SMAD2: variants seen among roughly 807,000 people sequenced by gnomAD.
The protein encoded by SMAD2 is MAD homolog 2.
A neutral mutation model predicts 64.4 loss-of-function variants in SMAD2; 8 were observed. The observed-to-expected ratio is 0.12, with a 90% CI of 0.07 to 0.22. The LOEUF is 0.22. Among genes scored for constraint, SMAD2 ranks in the 10% least tolerant of loss-of-function variants. SMAD2 has a pLI of 1.00. For synonymous variants in SMAD2, 203 were observed against 195.8 expected (o/e 1.04, Z -0.31); for missense variants, 289 against 561.2 (o/e 0.51, Z 4.90).
intron 8 of SMAD2, among the ~76,000 whole-genome samples, chr18:47,846,995 T>C (rs1386425949): frequency 2.0e-5 from 3 of 152,046 alleles, no homozygotes; most frequent in South Asian, 2.1e-4. Flanking sequence ...GGGAAAACAC[T>C]AAGTCCAAAA....
intron 2 of SMAD2, among the ~76,000 whole-genome samples, chr18:47,873,405 A>C (rs2032065833): frequency 6.6e-6 from 1 of 152,222 alleles, no homozygotes; most frequent in Non-Finnish European, 1.5e-5. Context: ...TATATATTTG[A>C]TGCAATCTCA....
At chr18:47,866,316 C>CAAAAAAAAAAAAAAA (rs34302955) in intron 5 of SMAD2, among the ~76,000 whole-genome samples, 6 of 42,094 alleles carry the variant, frequency 1.4e-4, no homozygotes, top group African/African-American at 6.0e-4. Context: ...AACACCGTCT[C>CAAAAAAAAAAAAAAA]AAAAAAAAAA....
At position 47,827,103 on chromosome 18, in the gene SMAD2, G is replaced by C. The variant is rs1912780186; in HGVS notation, c.*14724C>G. On this transcript the variant is annotated 3_prime_UTR_variant, in exon 11 of 11. Coordinates refer to ENST00000262160, the MANE Select transcript of SMAD2 (RefSeq NM_005901.6). ...AAATGACCAAGGATTAAAATTAGCAGAATGTTATTCTGTCCAGCCATTAAA... is the reference window on the plus strand; with the variant it reads ...AAATGACCAAGGATTAAAATTAGCACAATGTTATTCTGTCCAGCCATTAAA... 3 of 152,028 alleles carry C rather than the reference G, an allele frequency of 2.0e-5. No homozygotes were observed. Among genetic ancestry groups the C allele is most frequent in the Admixed American group, 2.0e-4 (3 of 15,260 alleles). 9.4% of individuals were successfully genotyped at this position (152,028 alleles called of 1,614,324 possible).
intron 1 of SMAD2, among the ~76,000 whole-genome samples, chr18:47,924,103 C>G (rs1363749136): frequency 6.6e-6 from 1 of 151,920 alleles, no homozygotes; most frequent in Non-Finnish European, 1.5e-5. Flanking sequence ...ACAAAATTAG[C>G]CGGACATGGT....
rs569010460 is a variant in SMAD2, at chr18:47,821,457, T to C, written c.*20370A>G. ...GATTCTGAATTCTTGGCTCTTCTCA[T>C]GTTTGAATTGTTCCACGCAAGCAGG... On this transcript the variant is annotated 3_prime_UTR_variant, in exon 11 of 11. Transcript: ENST00000262160. The C allele has an allele frequency of 6.6e-6, 1 of 152,344 alleles. No homozygotes were observed. Among genetic ancestry groups the C allele is most frequent in the African/African-American group, 2.4e-5 (1 of 41,590 alleles). The allele number at this position is 152,344 out of a possible 1,614,324, so 9.4% of individuals were successfully genotyped here.
intron 1 of SMAD2, among the ~76,000 whole-genome samples, chr18:47,919,164 G>A (rs2034454608): frequency 6.6e-6 from 1 of 152,018 alleles, no homozygotes; most frequent in South Asian, 2.1e-4. Flanking sequence ...ACAAAGTCAA[G>A]AGAGCAATGG....
intron 2 of SMAD2, among the ~76,000 whole-genome samples, chr18:47,873,568 T>C (rs1040535352): frequency 1.3e-5 from 2 of 152,178 alleles, no homozygotes; most frequent in Admixed American, 1.3e-4. Context: ...TAAAACAGTA[T>C]GCAATTAGTA....
intron 7 of SMAD2, among the ~76,000 whole-genome samples, chr18:47,850,489 T>A (rs868682530): frequency 3.6e-4 from 4 of 11,128 alleles, no homozygotes; most frequent in Non-Finnish European, 3.3e-4. Flanking sequence ...TATTATATAT[T>A]ATGTATAATA....
chr18:47,917,370 G>T (rs1339721206), intron 1 of SMAD2, among the ~76,000 whole-genome samples: 2 of 151,976 alleles, frequency 1.3e-5, no homozygotes, highest in East Asian at 3.9e-4. Context: ...ATACTTTTAG[G>T]AGTATCTCCA....
Position 47,850,195 on chromosome 18 carries a change from A to AT in SMAD2, c.784+1078_784+1079insA, listed in dbSNP as rs549810077. 7.5e-3 allele frequency among the ~76,000 whole-genome samples: 714 copies of AT among 95,478 alleles called. 15 individuals are homozygous for AT. Among genetic ancestry groups the AT allele is most frequent in the African/African-American group, 0.03 (680 of 22,978 alleles). The allele number at this position is 95,478 out of a possible 152,430, so 62.6% of individuals were successfully genotyped here. A position where few individuals can be genotyped will look rare whatever the true frequency, so the allele number is the denominator to read the frequency against. On this transcript the variant is annotated intron_variant, in intron 7 of 10. Coordinates refer to ENST00000262160, the MANE Select transcript of SMAD2 (RefSeq NM_005901.6). ...ACACTCTCATATATATATTATATAT[A>AT]GTATATATATATTATTATATATATG...
chr18:47,850,665 CTA>C (rs547143503), intron 7 of SMAD2, among the ~76,000 whole-genome samples: 373 of 10,362 alleles, frequency 0.036, 52 homozygotes, highest in African/African-American at 0.07. Flanking sequence ...ATATTATATA[CTA>C]TATATATATT....
chr18:47,925,225 A>C (rs1250049610), intron 1 of SMAD2, among the ~76,000 whole-genome samples: 1 of 152,246 alleles, frequency 6.6e-6, no homozygotes, highest in Non-Finnish European at 1.5e-5. Flanking sequence ...TTGAAAAATG[A>C]CAGGGCTACC....
intron 6 of SMAD2, among the ~76,000 whole-genome samples, chr18:47,859,003 C>A (rs890041712): frequency 6.6e-6 from 1 of 151,958 alleles, no homozygotes; most frequent in Non-Finnish European, 1.5e-5. Flanking sequence ...ATGCTGTCCA[C>A]AAGAAACACA....
rs550999764 is a variant in SMAD2, at chr18:47,836,640, A to G, written c.*5187T>C. On this transcript the variant is annotated 3_prime_UTR_variant, in exon 11 of 11. Transcript: ENST00000262160. ...ATATATAAATTCATACACATATATT[A>G]TTTATTTCCTTCTTAAAAAGACTGA... 4.7e-6 allele frequency: 1 copy of G among 212,350 alleles called. No individual in the cohort carries two copies. The highest frequency in any genetic ancestry group is 2.4e-5 in the African/African-American group (1 of 42,012). The allele number at this position is 212,350 out of a possible 1,614,324, so 13.2% of individuals were successfully genotyped here.
At chr18:47,895,946 T>C (rs1348051168) in intron 2 of SMAD2, among the ~76,000 whole-genome samples, 1 of 152,238 alleles carries the variant, frequency 6.6e-6, no homozygotes, top group African/African-American at 2.4e-5. Flanking sequence ...ATGACAGTGG[T>C]ACTTATCTGT....
intron 2 of SMAD2, among the ~76,000 whole-genome samples, chr18:47,888,198 G>GA (rs902538085): frequency 1.1e-3 from 164 of 142,746 alleles, no homozygotes; most frequent in South Asian, 3.1e-3. Context: ...GGAAAAAAGG[G>GA]AAAAAAAAAA....
At chr18:47,844,510 G>C (rs1374240646) in intron 10 of SMAD2, among the ~76,000 whole-genome samples, 2 of 152,044 alleles carry the variant, frequency 1.3e-5, no homozygotes, top group East Asian at 3.9e-4. Context: ...CAATAATCTA[G>C]ACTATCTTAT....
chr18:47,851,022 GA>G (rs1274091233), intron 7 of SMAD2, among the ~76,000 whole-genome samples: 1 of 148,216 alleles, frequency 6.7e-6, no homozygotes, highest in Non-Finnish European at 1.5e-5. Context: ...AATTTTCTAT[GA>G]GGAATATGAT....
intron 1 of SMAD2, among the ~76,000 whole-genome samples, chr18:47,926,280 G>A (rs1487383540): frequency 1.3e-5 from 2 of 152,160 alleles, no homozygotes; most frequent in Non-Finnish European, 2.9e-5. Flanking sequence ...ACAATCTAAA[G>A]TATATTACGT....
Sources: gnomAD v4.1 joint callset for allele counts (sites outside exome capture counted in the v4.1 genomes callset) on GRCh38, gnomAD v4.1.1 for gene constraint, MANE v1.5 for transcripts, NCBI Gene and HGNC (gene_info 2026-07-23, HGNC 2026-07-21) for gene names.